TBL1XR1: variants seen among roughly 807,000 people sequenced by gnomAD.
The protein encoded by TBL1XR1 is TBL1X/Y related 1.
TBL1XR1 carries 5 observed loss-of-function variants against 66.9 expected under a neutral mutation model. The observed-to-expected ratio is 0.07, with a 90% CI of 0.04 to 0.16. The LOEUF (loss-of-function observed/expected upper bound fraction) is 0.16. Among genes scored for constraint, TBL1XR1 ranks in the 10% least tolerant of loss-of-function variants. The pLI, the probability that TBL1XR1 is intolerant of heterozygous loss-of-function variation, is 1.00. For synonymous variants in TBL1XR1, 210 were observed against 206.0 expected, an observed-to-expected ratio of 1.02 and a Z score of -0.17; for missense variants, 238 against 623.2, an observed-to-expected ratio of 0.38 and a Z score of 6.58.
At chr3:177,189,824 C>T (rs1329734960) in intron 1 of TBL1XR1, among the ~76,000 whole-genome samples, 2 of 151,848 alleles carry the variant, frequency 1.3e-5, no homozygotes, top group East Asian at 1.9e-4. Flanking sequence ...ATACATATAT[C>T]CTATACTGAA....
chr3:177,112,925 T>A (rs1725832774), intron 1 of TBL1XR1, among the ~76,000 whole-genome samples: 1 of 151,794 alleles, frequency 6.6e-6, no homozygotes, highest in Admixed American at 6.6e-5. Context: ...ATCGCTTGAA[T>A]CTGAAAGGCG....
chr3:177,187,360 A>T (rs1735549289), intron 1 of TBL1XR1, among the ~76,000 whole-genome samples: 1 of 147,394 alleles, frequency 6.8e-6, no homozygotes, highest in African/African-American at 2.5e-5. Flanking sequence ...GTGCTATTGC[A>T]CTCCAGTCTG....
chr3:177,186,452 GA>G (rs2108989007), intron 1 of TBL1XR1, among the ~76,000 whole-genome samples: 1 of 152,186 alleles, frequency 6.6e-6, no homozygotes, highest in South Asian at 2.1e-4. Context: ...CCTTATTTCA[GA>G]AACCCAAAGT....
intron 1 of TBL1XR1, among the ~76,000 whole-genome samples, chr3:177,168,365 TC>T (rs1733078426): frequency 6.6e-6 from 1 of 151,326 alleles, no homozygotes; most frequent in Non-Finnish European, 1.5e-5. Context: ...CACTGCAACC[TC>T]CGCCTCCCGC....
At chr3:177,068,051 A>C (rs980243495) in intron 2 of TBL1XR1, among the ~76,000 whole-genome samples, 1 of 152,192 alleles carries the variant, frequency 6.6e-6, no homozygotes, top group Non-Finnish European at 1.5e-5. Flanking sequence ...CAGTCTTTAC[A>C]CTTCACCACC....
intron 1 of TBL1XR1, among the ~76,000 whole-genome samples, chr3:177,115,098 G>T (rs1427518718): frequency 3.9e-5 from 6 of 152,104 alleles, no homozygotes; most frequent in Non-Finnish European, 8.8e-5. Flanking sequence ...GGGCAGGATG[G>T]ACTCCATACA....
At chr3:177,030,513 T>G (rs1282059448) in intron 14 of TBL1XR1, among the ~76,000 whole-genome samples, 2 of 152,132 alleles carry the variant, frequency 1.3e-5, no homozygotes, top group East Asian at 3.9e-4. Flanking sequence ...TGACAGGCAC[T>G]CTCTTCAGGA....
chr3:177,116,252 C>T (rs1560193740), intron 1 of TBL1XR1, among the ~76,000 whole-genome samples: 1 of 152,106 alleles, frequency 6.6e-6, no homozygotes, highest in Non-Finnish European at 1.5e-5. Context: ...AAATTTAATT[C>T]ATCTCCCACC....
intron 3 of TBL1XR1, among the ~76,000 whole-genome samples, chr3:177,063,889 A>C (rs1290406783): frequency 2.0e-5 from 3 of 152,144 alleles, no homozygotes; most frequent in Non-Finnish European, 4.4e-5. Flanking sequence ...CCCTACCCCC[A>C]AAAAATGCTC....
rs574499519 is a variant in TBL1XR1 at position 177,069,664 on chromosome 3, G to A, written c.-45-4642C>T. Reference sequence around the variant, plus strand: ...TGAAGAATGAGAATTGCTTGAACCCGGGAGGTGGAGGTTACAGTGAGCCGA... The same window carrying A: ...TGAAGAATGAGAATTGCTTGAACCCAGGAGGTGGAGGTTACAGTGAGCCGA... On this transcript the variant is annotated intron_variant, in intron 2 of 15. Transcript: ENST00000457928. 1.3e-4 allele frequency among the ~76,000 whole-genome samples: 19 copies of A among 151,950 alleles called. 1 individual carries two copies. The South Asian group carries it at 1.5e-3, about 12-fold the overall frequency.
At chr3:177,174,112 T>C (rs974487276) in intron 1 of TBL1XR1, among the ~76,000 whole-genome samples, 6 of 152,078 alleles carry the variant, frequency 3.9e-5, no homozygotes, top group African/African-American at 1.4e-4. Flanking sequence ...TATCCCTTGG[T>C]TAAGGTTATT....
chr3:177,160,293 T>C (rs957179553), intron 1 of TBL1XR1, among the ~76,000 whole-genome samples: 2 of 151,906 alleles, frequency 1.3e-5, no homozygotes, highest in African/African-American at 2.4e-5. Context: ...GCTACCACGA[T>C]GAAACCCCAT....
chr3:177,061,496 G>A (rs561554891), intron 3 of TBL1XR1, among the ~76,000 whole-genome samples: 104 of 152,176 alleles, frequency 6.8e-4, no homozygotes, highest in African/African-American at 2.2e-3. Flanking sequence ...TGTGTTTTTG[G>A]ACAGTCTTTG....
intron 1 of TBL1XR1, among the ~76,000 whole-genome samples, chr3:177,170,554 A>G (rs1051516692): frequency 2.0e-5 from 3 of 152,126 alleles, no homozygotes; most frequent in Admixed American, 6.5e-5. Context: ...CCTGGAGCAT[A>G]ATAGGCACTC....
intron 2 of TBL1XR1, among the ~76,000 whole-genome samples, chr3:177,072,666 G>C (rs771837275): frequency 2.2e-4 from 33 of 152,168 alleles, no homozygotes; most frequent in Non-Finnish European, 3.7e-4. Context: ...GGTTTGAATT[G>C]CAAGTTACAC....
At chr3:177,106,622 AAGTT>A (rs1328774401) in intron 1 of TBL1XR1, among the ~76,000 whole-genome samples, 1 of 152,208 alleles carries the variant, frequency 6.6e-6, no homozygotes, top group Non-Finnish European at 1.5e-5. Context: ...TCTGTAAAAT[AAGTT>A]AGGAGAGTGG....
rs1000146850 is a variant in TBL1XR1, at chr3:177,019,377, G to A, written c.*6121C>T. ...TTCTGTACTTTACTAAACACTTTGTGTTTAATATATTTTAAATTGTAAAGA... is the reference window on the plus strand; with the variant it reads ...TTCTGTACTTTACTAAACACTTTGTATTTAATATATTTTAAATTGTAAAGA... On this transcript the variant is annotated 3_prime_UTR_variant, in exon 16 of 16. Coordinates refer to ENST00000457928, the MANE Select transcript of TBL1XR1 (RefSeq NM_024665.7). 1 of 151,998 alleles carries A rather than the reference G, an allele frequency of 6.6e-6. No individual in the cohort carries two copies. Among genetic ancestry groups the A allele is most frequent in the Non-Finnish European group, 1.5e-5 (1 of 67,994 alleles). The allele number at this position is 151,998 out of a possible 1,614,324, so 9.4% of individuals were successfully genotyped here.
At chr3:177,034,124 A>T in intron 13 of TBL1XR1, 74 bp downstream of exon 13, 2 of 1,491,156 alleles carry the variant, frequency 1.3e-6, no homozygotes, top group Non-Finnish European at 1.8e-6. Flanking sequence ...AATCTTCCCT[A>T]AACTTCTGTC....
intron 1 of TBL1XR1, among the ~76,000 whole-genome samples, chr3:177,188,327 T>C (rs1248203010): frequency 2.0e-5 from 3 of 152,076 alleles, no homozygotes; most frequent in East Asian, 3.9e-4. Context: ...GGTGGGCAGA[T>C]CACCTGAGGT....
Sources: gnomAD v4.1 joint callset for allele counts (sites outside exome capture counted in the v4.1 genomes callset) on GRCh38, gnomAD v4.1.1 for gene constraint, MANE v1.5 for transcripts, NCBI Gene and HGNC (gene_info 2026-07-23, HGNC 2026-07-21) for gene names.